Variants in CBR4 observed in about 807,000 individuals in gnomAD.
CBR4 encodes the protein carbonyl reductase 4.
Under a neutral mutation model 21.0 loss-of-function variants are expected in CBR4, and 22 were observed. The ratio of observed to expected loss-of-function variants is 1.05; its 90% CI spans 0.75 to 1.50. The LOEUF is 1.50. Ranked by LOEUF, CBR4 falls within the 40% of genes most tolerant of loss-of-function variation. The pLI is 0.00. For synonymous variants in CBR4, 100 were observed against 104.4 expected, an observed-to-expected ratio of 0.96 and a Z score of 0.26; for missense variants, 302 against 286.3, an observed-to-expected ratio of 1.05 and a Z score of -0.40.
rs116216837 is a variant in CBR4 at position 168,969,480 on chromosome 4, C to A, written n.169+32591G>T. 4.4e-3 allele frequency among the ~76,000 whole-genome samples: 671 copies of A among 152,196 alleles called. 7 individuals carry two copies. The highest frequency in any genetic ancestry group is 0.015 in the African/African-American group (639 of 41,508). The stretch of plus-strand genomic sequence containing the variant: ...GATTATCCTGGATAATCTGGCTAGA[C>A]CCAGTATAATCACATGAACCCTTAA... On this transcript the variant is annotated intron_variant and non_coding_transcript_variant, in intron 2 of 3. Transcript: ENST00000509108.
chr4:168,904,543 A>C (rs1053071019), intron 2 of CBR4, among the ~76,000 whole-genome samples: 1 of 152,164 alleles, frequency 6.6e-6, no homozygotes, highest in African/African-American at 2.4e-5. Flanking sequence ...ATTATGTTAT[A>C]CATTTTAGTC....
rs145040218 is a variant in CBR4, at chr4:168,954,132, T to A, written n.169+47939A>T. Among the ~76,000 whole-genome samples the A allele has an allele frequency of 1.9e-4, 29 of 152,242 alleles. No individual in the cohort carries two copies. The East Asian group carries it at 4.2e-3, about 22-fold the overall frequency. On this transcript the variant is annotated intron_variant and non_coding_transcript_variant, in intron 2 of 3. Transcript: ENST00000509108. ...ATCAAAGACTACCACAATAAAATGTTATAACAATGAAAGCAAAGAAAATGT... is the reference window on the plus strand; with the variant it reads ...ATCAAAGACTACCACAATAAAATGTAATAACAATGAAAGCAAAGAAAATGT...
At chr4:168,971,029 T>C (rs1764191613) in intron 2 of CBR4, among the ~76,000 whole-genome samples, 1 of 152,166 alleles carries the variant, frequency 6.6e-6, no homozygotes, top group Non-Finnish European at 1.5e-5. Context: ...TAGCTTTTGG[T>C]TCTTTAAAGA....
In CBR4 at chr4:168,990,229, G is replaced by GC. The variant is rs1560982079; in HGVS notation, c.634dup (p.Ala212GlyfsTer38). The GC allele has an allele frequency of 6.2e-7, 1 of 1,613,338 alleles. No homozygotes were observed. Among genetic ancestry groups the GC allele is most frequent in the East Asian group, 2.2e-5 (1 of 44,808 alleles). The stretch of plus-strand genomic sequence containing the variant: ...CGGTGATTCTAAAAGAAACACAACC[G>GC]CATGTGCCACCTCAATAGTTTCTCC... On this transcript the variant is annotated frameshift_variant, in exon 5 of 5. Transcript: ENST00000306193. LOFTEE classifies it high-confidence loss of function.
chr4:168,917,134 C>T lies in CBR4; in HGVS notation n.170-22369G>A, dbSNP rs147222069. On this transcript the variant is annotated intron_variant and non_coding_transcript_variant, in intron 2 of 3. Coordinates refer to the CBR4 transcript ENST00000509108. ...TGTGATCTCAGCTCACTGCAGCTTC[C>T]ACCTCCCAGGTTCAAGTGATTCTCC... is the stretch of plus-strand genomic sequence containing the variant. Among the ~76,000 whole-genome samples the T allele has an allele frequency of 5.9e-3, 895 of 150,558 alleles. 14 individuals carry two copies. Among genetic ancestry groups the T allele is most frequent in the African/African-American group, 0.021 (848 of 40,884 alleles).
intron 4 of CBR4, among the ~76,000 whole-genome samples, chr4:168,993,212 CTTTTT>C (rs150721961): frequency 1.1e-4 from 16 of 139,406 alleles, no homozygotes; most frequent in Admixed American, 2.1e-4. Flanking sequence ...ATGTATTTTC[CTTTTT>C]TTTTTTTTTT....
chr4:169,001,981 A>T (rs1730487419), intron 4 of CBR4, 90 bp downstream of exon 4: 2 of 1,189,762 alleles, frequency 1.7e-6, no homozygotes, highest in African/African-American at 1.6e-5. Context: ...AAACTATTCT[A>T]CCCAGATGTC....
intron 3 of CBR4, 80 bp downstream of exon 3, chr4:169,006,671 CAATA>C: frequency 1.6e-6 from 2 of 1,228,622 alleles, no homozygotes; most frequent in Non-Finnish European, 2.3e-6. Context: ...TCATGTTTCA[CAATA>C]AATCACAAAT....
chr4:168,901,912 A>T (rs967917881), intron 2 of CBR4, among the ~76,000 whole-genome samples: 5 of 152,222 alleles, frequency 3.3e-5, no homozygotes, highest in African/African-American at 1.2e-4. Flanking sequence ...ATGATACTTT[A>T]CATAATTTAA....
At chr4:168,994,164 T>G (rs541074238) in intron 4 of CBR4, among the ~76,000 whole-genome samples, 17 of 152,324 alleles carry the variant, frequency 1.1e-4, no homozygotes, top group African/African-American at 4.1e-4. Flanking sequence ...CTATAGATGA[T>G]AGATTAACTA....
At chr4:168,969,739 CAT>C (rs1440170237) in intron 2 of CBR4, among the ~76,000 whole-genome samples, 1 of 152,176 alleles carries the variant, frequency 6.6e-6, no homozygotes, top group African/African-American at 2.4e-5. Flanking sequence ...CGCTGATCTA[CAT>C]ACTCTTCAAC....
chr4:168,953,872 A>T (rs574136848), intron 2 of CBR4, among the ~76,000 whole-genome samples: 45 of 152,308 alleles, frequency 3.0e-4, no homozygotes, highest in East Asian at 3.9e-4. Context: ...TTCTATTATT[A>T]ATTTGTCCAA....
chr4:168,939,391 A>G (rs1208491664), intron 2 of CBR4, among the ~76,000 whole-genome samples: 1 of 152,216 alleles, frequency 6.6e-6, no homozygotes, highest in African/African-American at 2.4e-5. Context: ...CCGGCACAAG[A>G]CAAGAACGCC....
At chr4:168,959,062 A>AT (rs944436782) in intron 2 of CBR4, among the ~76,000 whole-genome samples, 1 of 151,360 alleles carries the variant, frequency 6.6e-6, no homozygotes, top group African/African-American at 2.4e-5. Flanking sequence ...CCAATTTACC[A>AT]TTTTTTTTCT....
chr4:168,933,707 TAC>T (rs1763027827), intron 2 of CBR4, among the ~76,000 whole-genome samples: 1 of 152,158 alleles, frequency 6.6e-6, no homozygotes, highest in Non-Finnish European at 1.5e-5. Context: ...AGCAATAGAA[TAC>T]ACATTCTTTT....
intron 2 of CBR4, among the ~76,000 whole-genome samples, chr4:168,978,444 G>A (rs1237148019): frequency 6.6e-6 from 1 of 152,190 alleles, no homozygotes; most frequent in Non-Finnish European, 1.5e-5. Flanking sequence ...ATTCATAAAG[G>A]AAGCAATGTA....
Position 168,929,123 on chromosome 4 carries a change from A to ATGAT in CBR4, n.170-34362_170-34359dup, listed in dbSNP as rs537850779. On this transcript the variant is annotated intron_variant and non_coding_transcript_variant, in intron 2 of 3. Coordinates refer to the CBR4 transcript ENST00000509108. Reference sequence around the variant, plus strand: ...ACAAGGATACATAAAATACAGCAAGATGATATAAATTAAAAGTGAGGGGAA... The same window carrying ATGAT: ...ACAAGGATACATAAAATACAGCAAGATGATTGATATAAATTAAAAGTGAGGGGAA... Among the ~76,000 whole-genome samples, 26 of 152,342 alleles carry ATGAT rather than the reference A, an allele frequency of 1.7e-4. No homozygotes were observed. The Middle Eastern group carries it at 0.017, about 100-fold the overall frequency.
At chr4:168,939,777 C>T (rs986067328) in intron 2 of CBR4, among the ~76,000 whole-genome samples, 4 of 152,002 alleles carry the variant, frequency 2.6e-5, no homozygotes, top group Non-Finnish European at 5.9e-5. Context: ...CACTGCTCAA[C>T]GAAATAAGAG....
rs1431366425 is a variant in CBR4 at position 169,006,618 on chromosome 4, CAATT to C, written c.400+133_400+136del. The C allele has an allele frequency of 6.1e-6, 5 of 820,876 alleles. No individual in the cohort carries two copies. The East Asian group carries it at 7.8e-5, about 13-fold the overall frequency. The allele number at this position is 820,876 out of a possible 1,614,324, so 50.8% of individuals were successfully genotyped here. A position where few individuals can be genotyped will look rare whatever the true frequency, so the allele number is the denominator to read the frequency against. ...TGTGATTCTTATTTTACTCATTAAT[CAATT>C]AATTAAATCCTTTTTTCCACAGATA... On this transcript the variant is annotated intron_variant, in intron 3 of 4. Transcript: ENST00000306193.
Sources: gnomAD v4.1 joint callset for allele counts (sites outside exome capture counted in the v4.1 genomes callset) on GRCh38, gnomAD v4.1.1 for gene constraint, MANE v1.5 for transcripts, NCBI Gene and HGNC (gene_info 2026-07-23, HGNC 2026-07-21) for gene names.